RAPGEF6: variants seen among roughly 807,000 people sequenced by gnomAD.
RAPGEF6 encodes the protein PDZ domain containing guanine nucleotide exchange factor (GEF) 2.
In RAPGEF6, 56 loss-of-function variants were observed where a neutral mutation model predicts 171.4. The observed-to-expected ratio is 0.33, with a 90% confidence interval of 0.26 to 0.41. RAPGEF6 has a LOEUF of 0.41. RAPGEF6 is among the 10% of genes least tolerant of loss of function. RAPGEF6 has a pLI of 1.00. For missense variants in RAPGEF6, 1,674 were observed against 1,921.4 expected (o/e 0.87, Z 2.41); for synonymous variants, 692 against 650.1 (o/e 1.06, Z -0.98).
intron 7 of RAPGEF6, among the ~76,000 whole-genome samples, chr5:131,514,201 GAC>G (rs1355351011): frequency 3.3e-5 from 5 of 152,010 alleles, no homozygotes; most frequent in African/African-American, 1.2e-4. Flanking sequence ...TAAAAAATAA[GAC>G]TGTTCAAAAA....
chr5:131,615,297 A>ATT (rs1181886144), intron 1 of RAPGEF6, among the ~76,000 whole-genome samples: 2 of 152,208 alleles, frequency 1.3e-5, no homozygotes, highest in African/African-American at 4.8e-5. Context: ...GAGCTGATTA[A>ATT]TTCTTTTTCA....
At chr5:131,437,334 A>T (rs781679174) in intron 24 of RAPGEF6, among the ~76,000 whole-genome samples, 28 of 152,066 alleles carry the variant, frequency 1.8e-4, no homozygotes, top group Non-Finnish European at 3.4e-4. Flanking sequence ...TGGGAATAAG[A>T]GCAATGGAGG....
At chr5:131,490,057 A>C (rs1289452269) in intron 14 of RAPGEF6, among the ~76,000 whole-genome samples, 1 of 152,180 alleles carries the variant, frequency 6.6e-6, no homozygotes, top group Admixed American at 6.5e-5. Context: ...AATTCTTTTA[A>C]AGGGAGTACT....
At chr5:131,563,078 C>G (rs1327533845) in intron 4 of RAPGEF6, among the ~76,000 whole-genome samples, 1 of 149,274 alleles carries the variant, frequency 6.7e-6, no homozygotes, top group Non-Finnish European at 1.5e-5. Flanking sequence ...TAAAAAAAAG[C>G]CCTGTCAACT....
At chr5:131,490,023 A>T (rs1362031642) in intron 14 of RAPGEF6, among the ~76,000 whole-genome samples, 1 of 152,178 alleles carries the variant, frequency 6.6e-6, no homozygotes, top group Non-Finnish European at 1.5e-5. Context: ...CTCAATGTAA[A>T]TTTACTGAAT....
chr5:131,518,417 G>A (rs1460413859), intron 7 of RAPGEF6, among the ~76,000 whole-genome samples: 1 of 143,222 alleles, frequency 7.0e-6, no homozygotes, highest in Admixed American at 7.1e-5. Flanking sequence ...TTTTTTTGGA[G>A]ACGGAGTTTC....
chr5:131,522,803 C>T (rs1758588229), intron 6 of RAPGEF6, among the ~76,000 whole-genome samples: 2 of 152,238 alleles, frequency 1.3e-5, no homozygotes, highest in Non-Finnish European at 2.9e-5. Context: ...AATTCCAAGG[C>T]CTAGGATGGA....
chr5:131,439,920 T>C (rs1455728848), intron 23 of RAPGEF6: 5 of 884,570 alleles, frequency 5.7e-6, no homozygotes, highest in Non-Finnish European at 8.3e-6. Flanking sequence ...ATTCAGCTGG[T>C]CAGCATGGAC....
chr5:131,605,278 T>C (rs1200040713), intron 1 of RAPGEF6, among the ~76,000 whole-genome samples: 1 of 152,100 alleles, frequency 6.6e-6, no homozygotes, highest in Non-Finnish European at 1.5e-5. Context: ...CAAGATGACA[T>C]AGTATAACCT....
chr5:131,455,649 T>C (rs1295578944), intron 20 of RAPGEF6, 152 bp downstream of exon 20: 6 of 636,078 alleles, frequency 9.4e-6, no homozygotes, highest in African/African-American at 5.5e-5. Context: ...CAAATATGTA[T>C]GGTATGACAT....
At chr5:131,530,817 A>C (rs1759319631) in intron 6 of RAPGEF6, among the ~76,000 whole-genome samples, 1 of 152,210 alleles carries the variant, frequency 6.6e-6, no homozygotes, top group South Asian at 2.1e-4. Flanking sequence ...CTTAAAAAAC[A>C]ACCCCTATAT....
At chr5:131,628,201 CCA>C (rs1488896274) in intron 1 of RAPGEF6, among the ~76,000 whole-genome samples, 4 of 151,928 alleles carry the variant, frequency 2.6e-5, no homozygotes, top group Non-Finnish European at 4.4e-5. Context: ...GCCTCTTGCA[CCA>C]CACAGTTAGC....
intron 12 of RAPGEF6, among the ~76,000 whole-genome samples, chr5:131,497,384 TTTC>T (rs1191666481): frequency 6.6e-6 from 1 of 152,226 alleles, no homozygotes; most frequent in Non-Finnish European, 1.5e-5. Flanking sequence ...TTATCTCTTT[TTTC>T]TTTTGTTGCT....
chr5:131,614,238 T>C (rs1291805262), intron 1 of RAPGEF6, among the ~76,000 whole-genome samples: 7 of 123,728 alleles, frequency 5.7e-5, no homozygotes, highest in Non-Finnish European at 7.9e-5. Context: ...GCCAAGATCA[T>C]GCCACTTCAT....
chr5:131,542,038 T>C (rs1229505192), intron 6 of RAPGEF6, among the ~76,000 whole-genome samples: 4 of 152,210 alleles, frequency 2.6e-5, no homozygotes, highest in Non-Finnish European at 5.9e-5. Flanking sequence ...TCTTTCAAGA[T>C]TGGACAAAGA....
At chr5:131,524,853 T>C (rs1243892867) in intron 6 of RAPGEF6, among the ~76,000 whole-genome samples, 6 of 152,166 alleles carry the variant, frequency 3.9e-5, no homozygotes, top group African/African-American at 1.2e-4. Flanking sequence ...TGACCTCATG[T>C]AATCTGCCTG....
intron 24 of RAPGEF6, 88 bp from the exon 25 acceptor site, chr5:131,433,746 C>T (rs1751857948): frequency 4.0e-6 from 4 of 1,005,244 alleles, no homozygotes; most frequent in Admixed American, 5.2e-5. Flanking sequence ...AAAAAAACCC[C>T]ACAAAAATAA....
Position 131,495,678 on chromosome 5 carries a change from A to C in RAPGEF6, c.1420-18T>G. The C allele has an allele frequency of 6.2e-7, 1 of 1,605,606 alleles. No homozygotes were observed. The highest frequency in any genetic ancestry group is 8.5e-7 in the Non-Finnish European group (1 of 1,175,238). ...CGTGTCACCTGTGGAAACATAAAAGAGGCAGCATATGGTTATAAGAGGCAT... is the reference window on the plus strand; with the variant it reads ...CGTGTCACCTGTGGAAACATAAAAGCGGCAGCATATGGTTATAAGAGGCAT... On this transcript the variant is annotated intron_variant, in intron 12 of 27. Coordinates refer to ENST00000509018, the MANE Select transcript of RAPGEF6 (RefSeq NM_016340.6).
At chr5:131,473,132 T>G (rs1277240453) in intron 16 of RAPGEF6, among the ~76,000 whole-genome samples, 2 of 152,196 alleles carry the variant, frequency 1.3e-5, no homozygotes, top group African/African-American at 4.8e-5. Flanking sequence ...TCTCTTTCTC[T>G]TTCCCTTTCT....
Sources: gnomAD v4.1 joint callset for allele counts (sites outside exome capture counted in the v4.1 genomes callset) on GRCh38, gnomAD v4.1.1 for gene constraint, MANE v1.5 for transcripts, NCBI Gene and HGNC (gene_info 2026-07-23, HGNC 2026-07-21) for gene names.